The following TBX15 variants were observed in gnomAD, a reference collection of about 807,000 sequenced individuals.
TBX15 encodes the protein T-box transcription factor TBX15.
In TBX15, 18 loss-of-function variants were observed where a neutral mutation model predicts 53.9. The ratio of observed to expected loss-of-function variants is 0.33; its 90% CI spans 0.23 to 0.49. TBX15 has a LOEUF of 0.49. Ranked by LOEUF, TBX15 falls within the 20% of genes least tolerant of loss-of-function variation. The pLI, the probability that TBX15 is intolerant of heterozygous loss-of-function variation, is 0.98. For synonymous variants in TBX15, 295 were observed against 278.0 expected, an observed-to-expected ratio of 1.06 and a Z score of -0.61; for missense variants, 692 against 749.5, an observed-to-expected ratio of 0.92 and a Z score of 0.90.
At chr1:118,961,380 G>C (rs1656866144) in intron 1 of TBX15, among the ~76,000 whole-genome samples, 1 of 152,136 alleles carries the variant, frequency 6.6e-6, no homozygotes. Context: ...CACTGAAATT[G>C]AGCATGTACT....
At chr1:118,937,331 A>C (rs762344281) in intron 1 of TBX15, among the ~76,000 whole-genome samples, 1 of 152,200 alleles carries the variant, frequency 6.6e-6, no homozygotes, top group African/African-American at 2.4e-5. Context: ...TTGAACATTT[A>C]CTATGTGCCA....
At chr1:118,901,386 A>G (rs1435126536) in intron 6 of TBX15, 2 of 456,636 alleles carry the variant, frequency 4.4e-6, no homozygotes, top group Admixed American at 4.7e-5. Context: ...CTCAGAGCCT[A>G]ATCACCTCTT....
intron 1 of TBX15, among the ~76,000 whole-genome samples, chr1:118,956,592 T>G (rs1656695835): frequency 1.3e-5 from 2 of 152,112 alleles, no homozygotes; most frequent in Admixed American, 6.5e-5. Flanking sequence ...TGGAAAATCA[T>G]CCCAACAATT....
At chr1:118,966,984 C>T (rs1031990362) in intron 1 of TBX15, among the ~76,000 whole-genome samples, 2 of 152,160 alleles carry the variant, frequency 1.3e-5, no homozygotes, top group African/African-American at 4.8e-5. Context: ...AAAGCCAAAA[C>T]TATGATTATT....
At chr1:118,968,039 T>TACTGGTA (rs1657111482) in intron 1 of TBX15, among the ~76,000 whole-genome samples, 2 of 152,256 alleles carry the variant, frequency 1.3e-5, no homozygotes, top group African/African-American at 4.8e-5. Flanking sequence ...GACATTTGTT[T>TACTGGTA]GTATACTGGT....
At chr1:118,956,601 T>G (rs1418338207) in intron 1 of TBX15, among the ~76,000 whole-genome samples, 2 of 152,146 alleles carry the variant, frequency 1.3e-5, no homozygotes, top group Non-Finnish European at 2.9e-5. Flanking sequence ...ATCCCAACAA[T>G]TTTGAAAAAA....
rs142594738 is a variant in TBX15, at chr1:118,935,005, T to TATTTCAAG, written c.206-3174_206-3173insCTTGAAAT. On this transcript the variant is annotated intron_variant, in intron 1 of 7. Transcript: ENST00000369429. ...CTTCTATTCTCAATTGTTTCTTAAA[T>TATTTCAAG]ATTATAATCTTGAAATAAAGTTACT... Among the ~76,000 whole-genome samples, 530 of 152,316 alleles carry TATTTCAAG rather than the reference T, an allele frequency of 3.5e-3. 2 individuals are homozygous for TATTTCAAG. The highest frequency in any genetic ancestry group is 0.012 in the African/African-American group (511 of 41,574).
chr1:118,970,994 CT>C (rs1657219576), intron 1 of TBX15, among the ~76,000 whole-genome samples: 1 of 152,190 alleles, frequency 6.6e-6, no homozygotes, highest in Non-Finnish European at 1.5e-5. Flanking sequence ...CACTTAGAAA[CT>C]TTTTTGCACT....
At chr1:118,907,985 A>G (rs146313509) in intron 6 of TBX15, among the ~76,000 whole-genome samples, 20 of 152,286 alleles carry the variant, frequency 1.3e-4, no homozygotes, top group Non-Finnish European at 2.6e-4. Flanking sequence ...TCTAATCTAC[A>G]GTTAGGCTAA....
chr1:118,917,870 G>T (rs1385804930), intron 5 of TBX15, among the ~76,000 whole-genome samples: 2 of 152,140 alleles, frequency 1.3e-5, no homozygotes, highest in Non-Finnish European at 2.9e-5. Context: ...TGCAGAGCCA[G>T]CAGGCCCTTA....
intron 7 of TBX15, among the ~76,000 whole-genome samples, chr1:118,893,318 GAAA>G (rs781354963): frequency 8.2e-6 from 1 of 121,522 alleles, no homozygotes; most frequent in Non-Finnish European, 1.6e-5. Context: ...AGGAAGGAAA[GAAA>G]GAAAGAAGAA....
chr1:118,963,554 C>G (rs899344449), intron 1 of TBX15, among the ~76,000 whole-genome samples: 8 of 152,166 alleles, frequency 5.3e-5, no homozygotes, highest in African/African-American at 1.9e-4. Flanking sequence ...GGCTAAGGCC[C>G]CAGTGTAACT....
intron 1 of TBX15, among the ~76,000 whole-genome samples, chr1:118,937,759 G>A (rs1057077531): frequency 1.8e-4 from 27 of 152,188 alleles, no homozygotes; most frequent in Admixed American, 1.6e-3. Context: ...TTTCTTTTCT[G>A]CCAAATACTG....
At chr1:118,918,693 G>T (rs1655327803) in intron 5 of TBX15, among the ~76,000 whole-genome samples, 1 of 152,134 alleles carries the variant, frequency 6.6e-6, no homozygotes, top group Non-Finnish European at 1.5e-5. Context: ...CACATAAGGG[G>T]GTGGTTGCCG....
At chr1:118,960,105 C>G (rs925550934) in intron 1 of TBX15, among the ~76,000 whole-genome samples, 2 of 151,166 alleles carry the variant, frequency 1.3e-5, no homozygotes, top group Non-Finnish European at 2.9e-5. Context: ...GAAGTCAGAG[C>G]AAGGGAGAAG....
In TBX15 at chr1:118,968,936, T is replaced by C. The variant is rs920847302; in HGVS notation, c.205+18655A>G. On this transcript the variant is annotated intron_variant, in intron 1 of 7. Transcript: ENST00000369429. ...TCAGCTTCTTTGAAAAGTATTAATA[T>C]GGTTGGGATTAGAAAGTAGGTTTTG... Among the ~76,000 whole-genome samples, 11 of 152,142 alleles carry C rather than the reference T, an allele frequency of 7.2e-5. 1 individual carries two copies. The highest frequency in any genetic ancestry group is 7.2e-4 in the Admixed American group (11 of 15,268).
chr1:118,976,146 G>C (rs1557906883), intron 1 of TBX15, among the ~76,000 whole-genome samples: 1 of 152,088 alleles, frequency 6.6e-6, no homozygotes, highest in Non-Finnish European at 1.5e-5. Flanking sequence ...GGCAAACCAG[G>C]GCTGCCAAAT....
At chr1:118,959,614 A>C (rs1222123716) in intron 1 of TBX15, among the ~76,000 whole-genome samples, 1 of 152,208 alleles carries the variant, frequency 6.6e-6, no homozygotes, top group East Asian at 1.9e-4. Context: ...CACTCTGAGC[A>C]CTAGCAAAAT....
At chr1:118,889,869 C>A (rs1234366711) in intron 7 of TBX15, among the ~76,000 whole-genome samples, 8 of 152,112 alleles carry the variant, frequency 5.3e-5, no homozygotes, top group Non-Finnish European at 7.4e-5. Context: ...AACTCCTGGG[C>A]TCAAGAAATC....
Sources: allele counts gnomAD v4.1 joint callset (sites outside exome capture counted in the v4.1 genomes callset), GRCh38; gene constraint gnomAD v4.1.1; transcripts MANE v1.5; gene names NCBI Gene and HGNC (gene_info 2026-07-23, HGNC 2026-07-21).